LRCH1: variants seen among roughly 807,000 people sequenced by gnomAD.
The protein encoded by LRCH1 is leucine-rich repeat and calponin homology domain-containing protein 1.
Under a neutral mutation model 94.9 loss-of-function variants are expected in LRCH1, and 23 were observed. The ratio of observed to expected loss-of-function variants is 0.24; its 90% CI spans 0.17 to 0.34. The LOEUF (loss-of-function observed/expected upper bound fraction) is 0.34, where lower values mean the gene tolerates loss of function less well. LRCH1 is among the 10% of genes least tolerant of loss of function. The pLI, the probability that LRCH1 is intolerant of heterozygous loss-of-function variation, is 1.00. For missense variants in LRCH1, 790 were observed against 945.9 expected (o/e 0.84, Z 2.16); for synonymous variants, 364 against 354.9 (o/e 1.03, Z -0.29).
chr13:46,660,432 G>A (rs1204353681), intron 2 of LRCH1, among the ~76,000 whole-genome samples: 1 of 151,788 alleles, frequency 6.6e-6, no homozygotes, highest in Non-Finnish European at 1.5e-5. Flanking sequence ...ATATATATAT[G>A]ATCAATGTCC....
chr13:46,576,331 C>A (rs1159378637), intron 1 of LRCH1, among the ~76,000 whole-genome samples: 1 of 152,162 alleles, frequency 6.6e-6, no homozygotes, highest in Admixed American at 6.5e-5. Flanking sequence ...TTTCCGTAGA[C>A]TTAAGATTGT....
At chr13:46,696,569 C>T (rs1853445504) in intron 9 of LRCH1, among the ~76,000 whole-genome samples, 1 of 152,152 alleles carries the variant, frequency 6.6e-6, no homozygotes, top group Admixed American at 6.5e-5. Flanking sequence ...AATGGCTGCC[C>T]TACAGAATGG....
chr13:46,741,852 C>T lies in LRCH1; in HGVS notation c.*4C>T, dbSNP rs781136796. The T allele has an allele frequency of 7.4e-6, 12 of 1,613,668 alleles. No homozygotes were observed. Among genetic ancestry groups the T allele is most frequent in the Non-Finnish European group, 1.0e-5 (12 of 1,180,016 alleles). ...CTGGAATGCTCTGTCCGCATAATGT[C>T]TGCACGTGCATCCAAACGCTGTGCT... is the stretch of plus-strand genomic sequence containing the variant. On this transcript the variant is annotated 3_prime_UTR_variant, in exon 20 of 20. Transcript: ENST00000389797.
intron 5 of LRCH1, 33 bp downstream of exon 5, chr13:46,686,074 T>C: frequency 6.8e-7 from 1 of 1,470,850 alleles, no homozygotes; most frequent in Non-Finnish European, 9.0e-7. Context: ...CAATGCCCCA[T>C]GGGATGTGCT....
rs375663909 is a variant in LRCH1, at chr13:46,603,240, C to T, written c.308-46961C>T. Among the ~76,000 whole-genome samples the T allele has an allele frequency of 2.0e-3, 311 of 151,958 alleles. 1 individual carries two copies. Among genetic ancestry groups the T allele is most frequent in the African/African-American group, 7.1e-3 (295 of 41,432 alleles). On this transcript the variant is annotated intron_variant, in intron 1 of 19. Transcript: ENST00000389797. ...TTTCTGAGCATGGGTGTGTCTGATC[C>T]CTGGGGAGAGCAGAGCCACACTGTG...
intron 1 of LRCH1, among the ~76,000 whole-genome samples, chr13:46,603,006 G>T (rs2050647402): frequency 1.6e-5 from 1 of 60,878 alleles, no homozygotes; most frequent in African/African-American, 6.9e-5. Context: ...ATACATACAT[G>T]TAAATAATTA....
At chr13:46,705,219 G>T in intron 12 of LRCH1, 49 bp from the exon 13 acceptor site, 1 of 1,586,388 alleles carries the variant, frequency 6.3e-7, no homozygotes, top group South Asian at 1.1e-5. Context: ...ACATTTCTAT[G>T]CTTTAAATTT....
chr13:46,567,551 G>A (rs1481135962), intron 1 of LRCH1, among the ~76,000 whole-genome samples: 1 of 145,440 alleles, frequency 6.9e-6, no homozygotes, highest in African/African-American at 2.8e-5. Flanking sequence ...TAGAAAGCCT[G>A]GATAAATCCA....
intron 16 of LRCH1, 146 bp downstream of exon 16, chr13:46,715,810 C>A: frequency 1.7e-6 from 1 of 592,294 alleles, no homozygotes; most frequent in East Asian, 2.8e-5. Context: ...AAAGTGAAGT[C>A]CAGAAAAGTG....
chr13:46,715,681 C>G lies in LRCH1; in HGVS notation c.1759+17C>G. On this transcript the variant is annotated intron_variant, in intron 16 of 19. Transcript: ENST00000389797. ...GTGACAATGGTAGGTGGCTTTGTACCTATTCTCCAATGTTCTCATTAATAA... is the reference window on the plus strand; with the variant it reads ...GTGACAATGGTAGGTGGCTTTGTACGTATTCTCCAATGTTCTCATTAATAA... The G allele has an allele frequency of 6.9e-7, 1 of 1,450,348 alleles. No individual in the cohort carries two copies. The highest frequency in any genetic ancestry group is 1.4e-5 in the African/African-American group (1 of 71,322). 89.8% of individuals were successfully genotyped at this position (1,450,348 alleles called of 1,614,324 possible). A position where few individuals can be genotyped will look rare whatever the true frequency, so the allele number is the denominator to read the frequency against.
intron 16 of LRCH1, among the ~76,000 whole-genome samples, chr13:46,722,129 T>A (rs1872609316): frequency 6.6e-6 from 1 of 152,236 alleles, no homozygotes; most frequent in Admixed American, 6.5e-5. Flanking sequence ...GAATAAAAAT[T>A]ACACATTCTT....
intron 1 of LRCH1, among the ~76,000 whole-genome samples, chr13:46,644,571 G>A (rs561999411): frequency 6.6e-6 from 1 of 152,216 alleles, no homozygotes; most frequent in Non-Finnish European, 1.5e-5. Context: ...GCCGATCTGG[G>A]CAACTGTTTT....
In LRCH1 at chr13:46,715,549, C is replaced by G; in HGVS notation, c.1655-11C>G. 6.6e-7 allele frequency: 1 copy of G among 1,508,146 alleles called. No individual in the cohort carries two copies. Among genetic ancestry groups the G allele is most frequent in the Non-Finnish European group, 8.9e-7 (1 of 1,120,360 alleles). 93.4% of individuals were successfully genotyped at this position (1,508,146 alleles called of 1,614,324 possible). On this transcript the variant is annotated splice_polypyrimidine_tract_variant and intron_variant, in intron 15 of 19. Coordinates refer to ENST00000389797, the MANE Select transcript of LRCH1 (RefSeq NM_001164211.2). The stretch of plus-strand genomic sequence containing the variant: ...AACTGTACGCGGACTGGCTCTCTGG[C>G]TCCCCTGCAGACCCAGCCCTCATTC...
intron 3 of LRCH1, among the ~76,000 whole-genome samples, chr13:46,680,389 G>A (rs2051735213): frequency 6.6e-6 from 1 of 152,176 alleles, no homozygotes; most frequent in South Asian, 2.1e-4. Flanking sequence ...AAAGGGGAAT[G>A]TAAACCCATG....
At chr13:46,701,595 AAGT>A (rs1871477298) in intron 11 of LRCH1, among the ~76,000 whole-genome samples, 1 of 152,244 alleles carries the variant, frequency 6.6e-6, no homozygotes, top group African/African-American at 2.4e-5. Flanking sequence ...TTGGTATATC[AAGT>A]AGTACTGTAT....
intron 18 of LRCH1, among the ~76,000 whole-genome samples, chr13:46,731,186 T>C (rs930223821): frequency 2.7e-5 from 4 of 150,422 alleles, no homozygotes; most frequent in Non-Finnish European, 5.9e-5. Flanking sequence ...TCATATAGAC[T>C]AGTAATTTTT....
chr13:46,593,712 C>A (rs1001589558), intron 1 of LRCH1, among the ~76,000 whole-genome samples: 3 of 152,112 alleles, frequency 2.0e-5, no homozygotes, highest in African/African-American at 7.2e-5. Context: ...TCCTTCTGAT[C>A]GCCAGGTCCT....
intron 3 of LRCH1, among the ~76,000 whole-genome samples, chr13:46,676,358 T>G (rs2051673470): frequency 6.6e-6 from 1 of 152,192 alleles, no homozygotes; most frequent in Admixed American, 6.5e-5. Flanking sequence ...TACATACCTG[T>G]GTTTCAACCA....
chr13:46,668,136 A>G (rs1174138704), intron 2 of LRCH1, among the ~76,000 whole-genome samples: 2 of 152,212 alleles, frequency 1.3e-5, no homozygotes, highest in Non-Finnish European at 2.9e-5. Flanking sequence ...TTTGCTTGGT[A>G]GCAGGAAAAA....
Sources: allele counts gnomAD v4.1 joint callset (sites outside exome capture counted in the v4.1 genomes callset), GRCh38; gene constraint gnomAD v4.1.1; transcripts MANE v1.5; gene names NCBI Gene and HGNC (gene_info 2026-07-23, HGNC 2026-07-21).